Variants in COPS5 observed in about 807,000 individuals in gnomAD.
COPS5 encodes the protein COP9 signalosome complex subunit 5.
COPS5 carries 8 observed loss-of-function variants against 44.4 expected under a neutral mutation model. That is an observed-to-expected ratio of 0.18 (90% confidence interval 0.11 to 0.32). The LOEUF (loss-of-function observed/expected upper bound fraction) is 0.32, where lower values mean the gene tolerates loss of function less well. COPS5 is among the 10% of genes least tolerant of loss of function. The pLI, the probability that COPS5 is intolerant of heterozygous loss-of-function variation, is 1.00. For synonymous variants in COPS5, 122 were observed against 142.8 expected (o/e 0.85, Z 1.04); for missense variants, 159 against 406.4 (o/e 0.39, Z 5.23).
At chr8:67,044,847 G>A in intron 7 of COPS5, 1 of 152,260 alleles carries the variant, frequency 6.6e-6, no homozygotes, top group Non-Finnish European at 1.5e-5. Flanking sequence ...TGATCTGCCT[G>A]CCTTGGCCTC....
rs779150846 is a variant in COPS5 at position 67,045,844 on chromosome 8, T to C, written c.888A>G (p.Ser296=). 3.7e-6 allele frequency: 6 copies of C among 1,614,216 alleles called. No individual in the cohort carries two copies. Among genetic ancestry groups the C allele is most frequent in the Non-Finnish European group, 5.1e-6 (6 of 1,180,038 alleles). Residue 296 remains serine (S), a synonymous_variant, in exon 7 of 8, where the codon TCA becomes TCG. Transcript: ENST00000357849. ...MLGLETHDRK[S]EDKLAKATRD... is the part of the protein sequence containing the mutation. ...TTGTAGCTTTGGCAAGTTTGTCTTC[T>C]GATTTTCGGTCATGCGTTTCTAAAC...
intron 1 of COPS5, 50 bp downstream of exon 1, chr8:67,061,804 A>C (rs772520899): frequency 6.3e-7 from 1 of 1,597,134 alleles, no homozygotes; most frequent in Non-Finnish European, 8.6e-7. Flanking sequence ...TGGGTCTCTT[A>C]AACTCCGCCA....
At chr8:67,050,191 C>T (rs1000916301) in intron 6 of COPS5, among the ~76,000 whole-genome samples, 5 of 151,998 alleles carry the variant, frequency 3.3e-5, no homozygotes, top group South Asian at 2.1e-4. Flanking sequence ...TTAGTAGAGA[C>T]GGGGTTTCAC....
At chr8:67,049,417 T>C (rs1310377943) in intron 6 of COPS5, among the ~76,000 whole-genome samples, 1 of 151,660 alleles carries the variant, frequency 6.6e-6, no homozygotes, top group Non-Finnish European at 1.5e-5. Flanking sequence ...TGAGCTGAGA[T>C]CGTGCCACCA....
intron 6 of COPS5, 74 bp from the exon 7 acceptor site, chr8:67,046,034 A>C: frequency 7.2e-7 from 1 of 1,381,888 alleles, no homozygotes; most frequent in Non-Finnish European, 1.0e-6. Flanking sequence ...TTTAATGTAA[A>C]CTAATTTTCT....
intron 6 of COPS5, among the ~76,000 whole-genome samples, chr8:67,048,347 A>G (rs1345499772): frequency 2.0e-5 from 3 of 151,358 alleles, no homozygotes; most frequent in African/African-American, 7.2e-5. Context: ...AAAGGAAAAA[A>G]GGAAAAAAAG....
At chr8:67,051,674 A>T (rs1485462665) in intron 5 of COPS5, among the ~76,000 whole-genome samples, 2 of 152,230 alleles carry the variant, frequency 1.3e-5, no homozygotes, top group African/African-American at 4.8e-5. Flanking sequence ...AAACTTAATA[A>T]GCTGCCTCTC....
chr8:67,044,667 T>G (rs1284970096), intron 7 of COPS5: 1 of 151,998 alleles, frequency 6.6e-6, no homozygotes, highest in Non-Finnish European at 1.5e-5. Context: ...TGGCGCCATC[T>G]TGGCTCACTG....
At chr8:67,053,336 C>T (rs960399671) in intron 5 of COPS5, among the ~76,000 whole-genome samples, 1 of 151,260 alleles carries the variant, frequency 6.6e-6, no homozygotes, top group South Asian at 2.1e-4. Flanking sequence ...AGTGATCCAC[C>T]GCCTCAGACT....
chr8:67,056,655 ATATATATATATATATATATATATATATAT>A (rs1804515072), intron 4 of COPS5, 51 bp from the exon 5 acceptor site: 5 of 11,398 alleles, frequency 4.4e-4, no homozygotes, highest in South Asian at 3.9e-3. Flanking sequence ...AAAAAAAAAT[ATATATATATATATATATATATATATATAT>A]ATATATATAT....
intron 6 of COPS5, among the ~76,000 whole-genome samples, chr8:67,050,772 A>G (rs957825411): frequency 7.9e-5 from 12 of 151,952 alleles, no homozygotes; most frequent in African/African-American, 2.9e-4. Context: ...AGAAAGAAAA[A>G]AAAAAAAAAG....
At chr8:67,050,612 AGAGT>A (rs1361652331) in intron 6 of COPS5, among the ~76,000 whole-genome samples, 2 of 118,204 alleles carry the variant, frequency 1.7e-5, no homozygotes, top group African/African-American at 9.4e-5. Context: ...TGTGAGTGTG[AGAGT>A]GTGTGTGTGT....
chr8:67,050,758 TAA>T (rs1202439589), intron 6 of COPS5, among the ~76,000 whole-genome samples: 1 of 131,428 alleles, frequency 7.6e-6, no homozygotes, highest in Non-Finnish European at 1.6e-5. Flanking sequence ...AAATCAATGC[TAA>T]GAGAAAGAAA....
chr8:67,057,474 T>C (rs746088961), intron 3 of COPS5, 29 bp from the exon 4 acceptor site: 42 of 1,467,508 alleles, frequency 2.9e-5, no homozygotes, highest in Non-Finnish European at 4.0e-5. Context: ...TAATATCTGC[T>C]GATATAAAAC....
chr8:67,052,820 TAAAAAAAAA>T (rs750238033), intron 5 of COPS5, among the ~76,000 whole-genome samples: 1 of 114,088 alleles, frequency 8.8e-6, no homozygotes, highest in East Asian at 2.5e-4. Context: ...GACTCTGTCT[TAAAAAAAAA>T]AAAAAAAAGA....
At position 67,057,976 on chromosome 8, in the gene COPS5, C is replaced by G. The variant is rs980482017; in HGVS notation, c.507+107G>C. On this transcript the variant is annotated intron_variant, in intron 3 of 7. Coordinates refer to ENST00000357849, the MANE Select transcript of COPS5 (RefSeq NM_006837.3). ...GAATTCACATTGAAACCTAGGCAGA[C>G]TGATACCAGAGCAATTTCTCTTTAC... The G allele has an allele frequency of 1.7e-5, 21 of 1,202,404 alleles. No homozygotes were observed. In the East Asian group the frequency reaches 5.0e-4, roughly 29 times the overall value. The allele number at this position is 1,202,404 out of a possible 1,614,324, so 74.5% of individuals were successfully genotyped here. A position where few individuals can be genotyped will look rare whatever the true frequency, so the allele number is the denominator to read the frequency against.
intron 5 of COPS5, among the ~76,000 whole-genome samples, chr8:67,054,961 C>T (rs1804481516): frequency 6.6e-6 from 1 of 152,180 alleles, no homozygotes; most frequent in Non-Finnish European, 1.5e-5. Flanking sequence ...AGAGGTGTTA[C>T]TTTACATAGG....
At position 67,062,020 on chromosome 8, in the gene COPS5, C is replaced by T. The variant is rs370616149; in HGVS notation, c.-24G>A. The T allele has an allele frequency of 1.4e-4, 233 of 1,613,988 alleles. No homozygotes were observed. The highest frequency in any genetic ancestry group is 1.9e-4 in the Non-Finnish European group (226 of 1,180,040). ...ATCGCCGAGGAAGCGGAGAAGTTGT[C>T]GTCTCTACAACCAAGACGCAACTTT... On this transcript the variant is annotated 5_prime_UTR_variant, in exon 1 of 8. Coordinates refer to ENST00000357849, the MANE Select transcript of COPS5 (RefSeq NM_006837.3).
At chr8:67,057,285 G>A in intron 4 of COPS5, 95 bp downstream of exon 4, 1 of 654,506 alleles carries the variant, frequency 1.5e-6, no homozygotes, top group Non-Finnish European at 2.5e-6. Flanking sequence ...GGCGATGAAG[G>A]CTGTAGTACA....
Sources: allele counts gnomAD v4.1 joint callset (sites outside exome capture counted in the v4.1 genomes callset), GRCh38; gene constraint gnomAD v4.1.1; transcripts MANE v1.5; gene names NCBI Gene and HGNC (gene_info 2026-07-23, HGNC 2026-07-21).